HYDIN: variants seen among roughly 807,000 people sequenced by gnomAD.
HYDIN encodes the protein axonemal central pair apparatus protein HYDIN.
Under a neutral mutation model 403.9 loss-of-function variants are expected in HYDIN, and 132 were observed. The observed-to-expected ratio is 0.33, with a 90% confidence interval of 0.28 to 0.38. HYDIN has a LOEUF of 0.38. Ranked by LOEUF, HYDIN falls within the 10% of genes least tolerant of loss-of-function variation. HYDIN has a pLI of 1.00. For synonymous variants in HYDIN, 1,202 were observed against 1,891.7 expected, an observed-to-expected ratio of 0.64 and a Z score of 9.46; for missense variants, 2,827 against 5,009.5, an observed-to-expected ratio of 0.56 and a Z score of 13.15.
chr16:71,219,688 A>G (rs1291554694), intron 1 of HYDIN, among the ~76,000 whole-genome samples: 1 of 152,202 alleles, frequency 6.6e-6, no homozygotes, highest in East Asian at 1.9e-4. Context: ...AAATTAAAAG[A>G]TTGCACAGTT....
chr16:70,902,975 G>A (rs778024993), intron 52 of HYDIN, among the ~76,000 whole-genome samples: 1 of 131,616 alleles, frequency 7.6e-6, no homozygotes, highest in Admixed American at 7.8e-5. Flanking sequence ...TTTTTTTTTC[G>A]AGACAAGGTT....
chr16:71,078,894 C>T (rs971973475), intron 13 of HYDIN, among the ~76,000 whole-genome samples: 10 of 152,164 alleles, frequency 6.6e-5, no homozygotes, highest in African/African-American at 2.2e-4. Flanking sequence ...CAGGAAGTAA[C>T]GAAATCCCTA....
At chr16:70,877,694 C>T in intron 62 of HYDIN, among the ~76,000 whole-genome samples, 1 of 152,006 alleles carries the variant, frequency 6.6e-6, no homozygotes, top group East Asian at 1.9e-4. Flanking sequence ...GAAGGGAGCT[C>T]AGGTGGTAAT....
intron 18 of HYDIN, among the ~76,000 whole-genome samples, chr16:71,060,289 G>A (rs1381960528): frequency 6.6e-6 from 1 of 152,064 alleles, no homozygotes; most frequent in Non-Finnish European, 1.5e-5. Flanking sequence ...CTTGAGCTAA[G>A]GCATCCCTTA....
chr16:71,186,249 A>T (rs1039937757), intron 2 of HYDIN, among the ~76,000 whole-genome samples: 1 of 152,140 alleles, frequency 6.6e-6, no homozygotes, highest in Non-Finnish European at 1.5e-5. Flanking sequence ...ATAAATTATC[A>T]CCAATCATTA....
chr16:70,913,017 C>G (rs911684128), intron 47 of HYDIN, among the ~76,000 whole-genome samples: 1 of 151,818 alleles, frequency 6.6e-6, no homozygotes, highest in African/African-American at 2.4e-5. Context: ...GGATTTTTCT[C>G]TCTTCTTTTC....
chr16:70,813,033 A>G (rs1217712903), intron 84 of HYDIN, among the ~76,000 whole-genome samples: 2 of 151,184 alleles, frequency 1.3e-5, no homozygotes, highest in Non-Finnish European at 3.0e-5. Flanking sequence ...GCTCACTGCA[A>G]TCTCTGCTTC....
intron 73 of HYDIN, among the ~76,000 whole-genome samples, chr16:70,853,302 C>T (rs2795816): frequency 3.3e-5 from 5 of 151,674 alleles, no homozygotes; most frequent in African/African-American, 9.7e-5. Context: ...GCATTTTCAC[C>T]GTTTTTTTTC....
In HYDIN at chr16:71,020,296, G is replaced by A; in HGVS notation, c.3208C>T (p.Pro1070Ser). 9 of 1,613,986 alleles carry A rather than the reference G, an allele frequency of 5.6e-6. No homozygotes were observed. The highest frequency in any genetic ancestry group is 7.6e-6 in the Non-Finnish European group (9 of 1,179,970). Reference sequence around the variant, plus strand: ...TTTATGGCCAAGGGCTGGTAATCAGGTTTCAGGATACTGTTAGGTTTCTGC... The same window carrying A: ...TTTATGGCCAAGGGCTGGTAATCAGATTTCAGGATACTGTTAGGTTTCTGC... ...LEKKPNSILK[P>S]DYQPLAIKNI... The change falls in exon 22 of 86, where the codon CCT (proline) becomes TCT (serine). Residue 1070 changes from proline to serine, a missense_variant. Transcript: ENST00000393567.
At chr16:71,007,545 G>C (rs1173014214) in intron 23 of HYDIN, among the ~76,000 whole-genome samples, 3 of 151,444 alleles carry the variant, frequency 2.0e-5, no homozygotes, top group Admixed American at 1.3e-4. Flanking sequence ...CAGTGACCAA[G>C]AAATATGAAA....
chr16:71,092,590 G>GT (rs1048499925), intron 11 of HYDIN, among the ~76,000 whole-genome samples: 63 of 151,322 alleles, frequency 4.2e-4, no homozygotes, highest in Admixed American at 8.6e-4. Flanking sequence ...TTGTTTTTTT[G>GT]TTTTTTTTGA....
chr16:71,185,652 A>G (rs1397386690), intron 2 of HYDIN, among the ~76,000 whole-genome samples: 1 of 152,052 alleles, frequency 6.6e-6, no homozygotes, highest in Non-Finnish European at 1.5e-5. Flanking sequence ...ACCCTTTCCA[A>G]TGTTATGAGA....
At chr16:71,019,521 TGG>T (rs1409416754) in intron 22 of HYDIN, among the ~76,000 whole-genome samples, 12 of 152,292 alleles carry the variant, frequency 7.9e-5, no homozygotes, top group Non-Finnish European at 1.5e-4. Flanking sequence ...CACAAGGGGC[TGG>T]GCATAAGTTA....
chr16:70,813,247 G>T (rs866174014), intron 84 of HYDIN, among the ~76,000 whole-genome samples: 9 of 150,670 alleles, frequency 6.0e-5, no homozygotes, highest in Admixed American at 4.6e-4. Flanking sequence ...CACCGCGCCC[G>T]GCCTGTGGCT....
At chr16:71,185,529 T>C (rs1469355076) in intron 2 of HYDIN, among the ~76,000 whole-genome samples, 3 of 152,160 alleles carry the variant, frequency 2.0e-5, no homozygotes, top group Admixed American at 6.6e-5. Context: ...GTTTGAACTT[T>C]AGAGACATCA....
chr16:70,863,357 C>T (rs1259575480), intron 67 of HYDIN, among the ~76,000 whole-genome samples, 175 bp from the exon 68 acceptor site: 2 of 151,798 alleles, frequency 1.3e-5, no homozygotes, highest in African/African-American at 4.8e-5. Context: ...ATGATATACT[C>T]GAACAAGAAA....
intron 9 of HYDIN, among the ~76,000 whole-genome samples, chr16:71,127,135 C>T (rs1020040116): frequency 1.3e-5 from 2 of 152,040 alleles, no homozygotes; most frequent in African/African-American, 4.8e-5. Context: ...CTGTTTTGAC[C>T]AGAATAACTT....
rs1240083088 is a variant in HYDIN, at chr16:70,945,390, T to C, written c.6532-1441A>G. ...GAGCAGTGGAAGCAAGAATCACTTTTTGGATATAAACATTTTGAGATGCCT... is the reference window on the plus strand; with the variant it reads ...GAGCAGTGGAAGCAAGAATCACTTTCTGGATATAAACATTTTGAGATGCCT... On this transcript the variant is annotated intron_variant, in intron 41 of 85. Coordinates refer to ENST00000393567, the MANE Select transcript of HYDIN (RefSeq NM_001270974.2). Among the ~76,000 whole-genome samples, 3 of 152,186 alleles carry C rather than the reference T, an allele frequency of 2.0e-5. No homozygotes were observed. In the East Asian group the frequency reaches 5.8e-4, roughly 29 times the overall value.
At chr16:71,081,836 A>T (rs1302392569) in intron 12 of HYDIN, among the ~76,000 whole-genome samples, 1 of 150,616 alleles carries the variant, frequency 6.6e-6, no homozygotes, top group Non-Finnish European at 1.5e-5. Context: ...TAAGTGAGAC[A>T]AGTTGAATAC....
Sources: gnomAD v4.1 joint callset for allele counts (sites outside exome capture counted in the v4.1 genomes callset) on GRCh38, gnomAD v4.1.1 for gene constraint, MANE v1.5 for transcripts, NCBI Gene and HGNC (gene_info 2026-07-23, HGNC 2026-07-21) for gene names.